Variants in DPP10 observed in about 807,000 individuals in gnomAD.
DPP10 encodes the protein dipeptidyl peptidase like 10, also known as inactive dipeptidyl peptidase 10.
A neutral mutation model predicts 120.9 loss-of-function variants in DPP10; 33 were observed. That is an observed-to-expected ratio of 0.27 (90% CI 0.21 to 0.37). The LOEUF is 0.37. Ranked by LOEUF, DPP10 falls within the 10% of genes least tolerant of loss-of-function variation. The probability of loss-of-function intolerance (pLI) is 1.00; values close to 1 mark genes in which losing one functional copy is unlikely to be tolerated. For missense variants in DPP10, 816 were observed against 942.8 expected (o/e 0.87, Z 1.76); for synonymous variants, 337 against 326.1 (o/e 1.03, Z -0.36).
chr2:115,574,878 G>C (rs554450253), intron 5 of DPP10, among the ~76,000 whole-genome samples: 2 of 152,294 alleles, frequency 1.3e-5, no homozygotes, highest in Admixed American at 1.3e-4. Context: ...TTGTTTACCT[G>C]CTGTGCCAGA....
At chr2:114,860,080 A>C (rs1365730768) in intron 1 of DPP10, among the ~76,000 whole-genome samples, 1 of 152,224 alleles carries the variant, frequency 6.6e-6, no homozygotes, top group East Asian at 1.9e-4. Flanking sequence ...ATTCATTATA[A>C]AGAACTTTGA....
At chr2:114,984,092 A>G (rs1367430922) in intron 1 of DPP10, among the ~76,000 whole-genome samples, 1 of 152,196 alleles carries the variant, frequency 6.6e-6, no homozygotes, top group African/African-American at 2.4e-5. Flanking sequence ...CCACTAAACA[A>G]TTGGCCAGAA....
At chr2:115,791,509 A>C (rs999618192) in intron 19 of DPP10, among the ~76,000 whole-genome samples, 153 bp downstream of exon 19, 2 of 152,216 alleles carry the variant, frequency 1.3e-5, no homozygotes, top group Non-Finnish European at 2.9e-5. Flanking sequence ...CTAGAAGTCC[A>C]TCACTAAATC....
chr2:115,037,013 C>T lies in DPP10; in HGVS notation c.61-272226C>T, dbSNP rs555336533. ...GAAGTAATGGGAGCCATTGTCATTCCTCTCACTTTTTAAATGGATTGAGCT... is the reference window on the plus strand; with the variant it reads ...GAAGTAATGGGAGCCATTGTCATTCTTCTCACTTTTTAAATGGATTGAGCT... On this transcript the variant is annotated intron_variant, in intron 1 of 25. Transcript: ENST00000410059. Among the ~76,000 whole-genome samples the T allele has an allele frequency of 2.0e-5, 3 of 152,126 alleles. No individual in the cohort carries two copies. In the East Asian group the frequency reaches 5.8e-4, roughly 30 times the overall value.
intron 1 of DPP10, among the ~76,000 whole-genome samples, chr2:114,649,616 T>C (rs983463987): frequency 6.6e-6 from 1 of 151,930 alleles, no homozygotes; most frequent in Admixed American, 6.6e-5. Context: ...CCTCCCAAAG[T>C]GCTGGGATGG....
chr2:114,777,105 C>A (rs1244222012), intron 1 of DPP10, among the ~76,000 whole-genome samples: 1 of 152,042 alleles, frequency 6.6e-6, no homozygotes, highest in Non-Finnish European at 1.5e-5. Context: ...TATGTTAAGA[C>A]TTTTATTCAG....
intron 1 of DPP10, among the ~76,000 whole-genome samples, chr2:114,778,733 G>A (rs1030697246): frequency 2.0e-5 from 3 of 151,924 alleles, no homozygotes; most frequent in East Asian, 1.9e-4. Flanking sequence ...AAAATCGGTC[G>A]CATGACTGCA....
intron 1 of DPP10, among the ~76,000 whole-genome samples, chr2:115,237,274 T>C (rs2058052292): frequency 6.6e-6 from 1 of 152,194 alleles, no homozygotes; most frequent in South Asian, 2.1e-4. Context: ...TTGTGATCTG[T>C]GATCAGTGAT....
At chr2:114,523,340 C>T (rs1014503214) in intron 1 of DPP10, among the ~76,000 whole-genome samples, 9 of 152,126 alleles carry the variant, frequency 5.9e-5, no homozygotes, top group Admixed American at 2.6e-4. Flanking sequence ...CTAGATGGCT[C>T]GACTTCCATG....
Position 115,537,426 on chromosome 2 carries a change from T to C in DPP10, c.441+11454T>C, listed in dbSNP as rs546535861. Among the ~76,000 whole-genome samples the C allele has an allele frequency of 1.3e-3, 198 of 152,124 alleles. 1 individual carries two copies. The highest frequency in any genetic ancestry group is 1.9e-3 in the Non-Finnish European group (127 of 67,960). ...AGTGAGTCCCTATATATTTGGCAAA[T>C]ATTAGGTTGAATGTGAGTTAAGCAG... On this transcript the variant is annotated intron_variant, in intron 5 of 25. Coordinates refer to ENST00000410059, the MANE Select transcript of DPP10 (RefSeq NM_020868.6).
intron 1 of DPP10, chr2:115,064,850 G>A (rs770508181): frequency 4.6e-6 from 6 of 1,301,718 alleles, no homozygotes; most frequent in Non-Finnish European, 6.1e-6. Flanking sequence ...TTTCTAGCAG[G>A]GTTTCTGATT....
At chr2:115,213,859 A>G (rs1322955093) in intron 1 of DPP10, among the ~76,000 whole-genome samples, 2 of 152,166 alleles carry the variant, frequency 1.3e-5, no homozygotes, top group Admixed American at 6.6e-5. Context: ...TACTACAATC[A>G]GTAGATTTTT....
At chr2:115,384,497 GAAA>G (rs2066719327) in intron 3 of DPP10, among the ~76,000 whole-genome samples, 2 of 146,360 alleles carry the variant, frequency 1.4e-5, no homozygotes, top group East Asian at 2.1e-4. Flanking sequence ...AGAAGAAGAG[GAAA>G]AGAAGAAGAA....
chr2:115,293,478 G>A (rs185628628), intron 1 of DPP10, among the ~76,000 whole-genome samples: 4 of 152,190 alleles, frequency 2.6e-5, no homozygotes, highest in Admixed American at 6.5e-5. Flanking sequence ...CGTAGGCAGT[G>A]CCTTTCTCTG....
chr2:114,673,828 AT>A (rs34610512), intron 1 of DPP10, among the ~76,000 whole-genome samples: 2 of 151,990 alleles, frequency 1.3e-5, no homozygotes, highest in South Asian at 2.1e-4. Flanking sequence ...ACAACATTAG[AT>A]TTTTTTTAAA....
At chr2:114,937,158 C>T (rs1238869556) in intron 1 of DPP10, among the ~76,000 whole-genome samples, 1 of 152,086 alleles carries the variant, frequency 6.6e-6, no homozygotes, top group Non-Finnish European at 1.5e-5. Context: ...GTCATGAAGT[C>T]TTTGCCTAAG....
At chr2:114,537,865 G>C (rs553978371) in intron 1 of DPP10, among the ~76,000 whole-genome samples, 1 of 152,286 alleles carries the variant, frequency 6.6e-6, no homozygotes, top group East Asian at 1.9e-4. Flanking sequence ...TGTACTGCAT[G>C]AACACAGAAA....
chr2:115,271,517 G>T (rs1574245765), intron 1 of DPP10, among the ~76,000 whole-genome samples: 1 of 151,878 alleles, frequency 6.6e-6, no homozygotes, highest in African/African-American at 2.4e-5. Flanking sequence ...CTTATTGCTT[G>T]CAGAAATGTG....
chr2:114,628,238 A>G (rs184735509), intron 1 of DPP10, among the ~76,000 whole-genome samples: 7 of 152,242 alleles, frequency 4.6e-5, no homozygotes, highest in African/African-American at 1.2e-4. Flanking sequence ...TCTAAATACT[A>G]AAACAGTGGT....
Sources: gnomAD v4.1 joint callset for allele counts (sites outside exome capture counted in the v4.1 genomes callset) on GRCh38, gnomAD v4.1.1 for gene constraint, MANE v1.5 for transcripts, NCBI Gene and HGNC (gene_info 2026-07-23, HGNC 2026-07-21) for gene names.